WARS2: variants seen among roughly 807,000 people sequenced by gnomAD.
The protein encoded by WARS2 is tryptophanyl tRNA synthetase 2, mitochondrial, also known as tryptophan--tRNA ligase, mitochondrial.
Under a neutral mutation model 36.5 loss-of-function variants are expected in WARS2, and 28 were observed. The observed-to-expected ratio is 0.77, with a 90% CI of 0.57 to 1.05. The LOEUF is 1.05. WARS2 is among the 50% of genes least tolerant of loss of function. The probability of loss-of-function intolerance (pLI) is 0.00; values close to 1 mark genes in which losing one functional copy is unlikely to be tolerated. For missense variants in WARS2, 435 were observed against 456.8 expected, an observed-to-expected ratio of 0.95 and a Z score of 0.44; for synonymous variants, 174 against 178.4, an observed-to-expected ratio of 0.98 and a Z score of 0.20.
At chr1:119,034,303 T>C in intron 4 of WARS2, 90 bp from the exon 5 acceptor site, 3 of 1,055,588 alleles carry the variant, frequency 2.8e-6, no homozygotes, top group Non-Finnish European at 4.4e-6. Flanking sequence ...CCTGTGAATA[T>C]TTCACTGTTG....
At chr1:119,106,055 G>A (rs1654214228) in intron 1 of WARS2, among the ~76,000 whole-genome samples, 1 of 152,154 alleles carries the variant, frequency 6.6e-6, no homozygotes, top group African/African-American at 2.4e-5. Context: ...AGATAGGTAG[G>A]AAATAGGTAG....
chr1:119,044,611 G>T (rs773735234), intron 3 of WARS2, among the ~76,000 whole-genome samples: 1 of 152,206 alleles, frequency 6.6e-6, no homozygotes, highest in Non-Finnish European at 1.5e-5. Flanking sequence ...AGTTCTGGAG[G>T]CTGGGAAGTC....
chr1:119,134,319 C>CAAAAAAAAAAAAAAAAAAAA (rs761321480), intron 1 of WARS2, among the ~76,000 whole-genome samples: 24 of 65,868 alleles, frequency 3.6e-4, no homozygotes, highest in African/African-American at 9.4e-4. Context: ...GGCAAAGGGG[C>CAAAAAAAAAAAAAAAAAAAA]AAAAAAAAAA....
At chr1:119,104,211 A>C (rs988755318) in intron 1 of WARS2, among the ~76,000 whole-genome samples, 76 of 151,658 alleles carry the variant, frequency 5.0e-4, no homozygotes, top group African/African-American at 1.7e-3. Flanking sequence ...CTTCCAGGTC[A>C]ATATATAGAG....
intron 1 of WARS2, among the ~76,000 whole-genome samples, chr1:119,125,402 C>A (rs145024804): frequency 3.5e-4 from 54 of 152,320 alleles, no homozygotes; most frequent in African/African-American, 1.2e-3. Flanking sequence ...ATCTAACATA[C>A]TATATATCTT....
chr1:119,055,582 T>C (rs1304005762), intron 2 of WARS2, among the ~76,000 whole-genome samples: 2 of 151,908 alleles, frequency 1.3e-5, no homozygotes, highest in East Asian at 3.9e-4. Flanking sequence ...GCAGAGGTTA[T>C]AGTGAGTCGA....
At chr1:119,066,295 G>A (rs10737748) in intron 2 of WARS2, among the ~76,000 whole-genome samples, 54,183 of 151,602 alleles carry the variant, frequency 0.36, 10,277 homozygotes, top group East Asian at 0.72. Flanking sequence ...TGGCTAATAC[G>A]GTGAAACCCC....
Position 119,076,359 on chromosome 1 carries a change from T to C in WARS2, c.339A>G (p.Gln113=). The C allele has an allele frequency of 6.2e-7, 1 of 1,614,118 alleles. No individual in the cohort carries two copies. The part of the protein sequence containing the change: ...GINPEKSILF[Q]QSQVSEHTQL... ...AATCTGAGAAGCTGACCTGAGATTGTTGGAAAAGGATGCTTTTTTCCGGGT... is the reference window on the plus strand; with the variant it reads ...AATCTGAGAAGCTGACCTGAGATTGCTGGAAAAGGATGCTTTTTTCCGGGT... Residue 113 remains glutamine, a synonymous_variant, in exon 2 of 6, where the codon CAA becomes CAG. Transcript: ENST00000235521.
chr1:119,127,222 G>C (rs1048988235), intron 1 of WARS2: 1 of 737,780 alleles, frequency 1.4e-6, no homozygotes, highest in Admixed American at 1.8e-5. Context: ...TTCGAAAATG[G>C]ATCGACCACT....
Position 119,063,249 on chromosome 1 carries a change from G to A in WARS2, c.348+13101C>T, listed in dbSNP as rs190033523. 3.6e-3 allele frequency: 553 copies of A among 152,992 alleles called. 1 individual carries two copies. Among genetic ancestry groups the A allele is most frequent in the Non-Finnish European group, 5.9e-3 (402 of 68,640 alleles). The allele number at this position is 152,992 out of a possible 1,614,324, so 9.5% of individuals were successfully genotyped here. Reference sequence around the variant, plus strand: ...TTGAACTTGAGAAAGATGATTTAGGGTATCTGGCAGAAGAAATTTCTAAGC... The same window carrying A: ...TTGAACTTGAGAAAGATGATTTAGGATATCTGGCAGAAGAAATTTCTAAGC... On this transcript the variant is annotated intron_variant, in intron 2 of 5. Transcript: ENST00000235521.
chr1:119,121,491 C>T (rs1655322611), intron 1 of WARS2, among the ~76,000 whole-genome samples: 1 of 151,910 alleles, frequency 6.6e-6, no homozygotes, highest in South Asian at 2.1e-4. Flanking sequence ...AAATTCAATG[C>T]AATTCCCATC....
chr1:119,083,331 AG>A (rs1362196437), intron 1 of WARS2, among the ~76,000 whole-genome samples: 3 of 152,180 alleles, frequency 2.0e-5, no homozygotes, highest in Non-Finnish European at 4.4e-5. Flanking sequence ...TCCTTGCTGG[AG>A]GATGCAGCAA....
At chr1:119,039,433 A>G (rs1209682886) in intron 4 of WARS2, among the ~76,000 whole-genome samples, 1 of 152,190 alleles carries the variant, frequency 6.6e-6, no homozygotes, top group Non-Finnish European at 1.5e-5. Flanking sequence ...ACAGAGAGAG[A>G]GAAAAAGAGA....
At chr1:119,089,353 G>C (rs1652886243) in intron 1 of WARS2, among the ~76,000 whole-genome samples, 1 of 152,212 alleles carries the variant, frequency 6.6e-6, no homozygotes, top group Non-Finnish European at 1.5e-5. Context: ...GTCAGCTCAG[G>C]TTGTTAACTC....
chr1:119,118,766 G>A (rs1313531513), intron 1 of WARS2, among the ~76,000 whole-genome samples: 2 of 148,944 alleles, frequency 1.3e-5, no homozygotes, highest in African/African-American at 4.9e-5. Flanking sequence ...AAGGGATTGG[G>A]GTCCTATTTT....
At chr1:119,087,109 T>A (rs1055544637) in intron 1 of WARS2, among the ~76,000 whole-genome samples, 1 of 152,210 alleles carries the variant, frequency 6.6e-6, no homozygotes, top group Non-Finnish European at 1.5e-5. Context: ...GAAGAACAGA[T>A]GCCTCCTTCA....
At chr1:119,128,685 C>T (rs1419219999) in intron 1 of WARS2, among the ~76,000 whole-genome samples, 2 of 151,272 alleles carry the variant, frequency 1.3e-5, no homozygotes, top group Non-Finnish European at 1.5e-5. Context: ...GTAATCCCAT[C>T]AGTGGTCATG....
At chr1:119,075,216 G>T (rs587697463) in intron 2 of WARS2, among the ~76,000 whole-genome samples, 1 of 151,268 alleles carries the variant, frequency 6.6e-6, no homozygotes, top group Non-Finnish European at 1.5e-5. Flanking sequence ...ACAATACCAC[G>T]ATAGAAAAAT....
At chr1:119,045,072 G>A (rs1439447783) in intron 3 of WARS2, among the ~76,000 whole-genome samples, 2 of 152,188 alleles carry the variant, frequency 1.3e-5, no homozygotes, top group Non-Finnish European at 2.9e-5. Flanking sequence ...AAAGTACTAT[G>A]AATTATCCAA....
Sources: allele counts gnomAD v4.1 joint callset (sites outside exome capture counted in the v4.1 genomes callset), GRCh38; gene constraint gnomAD v4.1.1; transcripts MANE v1.5; gene names NCBI Gene and HGNC (gene_info 2026-07-23, HGNC 2026-07-21).